ARHGAP6: variants seen among roughly 807,000 people sequenced by gnomAD.
ARHGAP6 encodes rho GTPase-activating protein 6.
Under a neutral mutation model 55.7 loss-of-function variants are expected in ARHGAP6, and 16 were observed. The ratio of observed to expected loss-of-function variants is 0.29; its 90% CI spans 0.19 to 0.44. The LOEUF (loss-of-function observed/expected upper bound fraction) is 0.44, where lower values mean the gene tolerates loss of function less well. Ranked by LOEUF, ARHGAP6 falls within the 20% of genes least tolerant of loss-of-function variation. The pLI, the probability that ARHGAP6 is intolerant of heterozygous loss-of-function variation, is 1.00. For missense variants in ARHGAP6, 698 were observed against 808.9 expected (o/e 0.86, Z 1.66); for synonymous variants, 382 against 360.9 (o/e 1.06, Z -0.66).
At chrX:11,524,622 G>A (rs566613312) in intron 1 of ARHGAP6, among the ~76,000 whole-genome samples, 18 of 111,007 alleles carry the variant, frequency 1.6e-4, no homozygotes, top group African/African-American at 5.6e-4. Flanking sequence ...TTGGTCTTTG[G>A]GGGACCGTTC....
At chrX:11,430,531 A>T (rs759654489) in intron 1 of ARHGAP6, among the ~76,000 whole-genome samples, 1 of 112,166 alleles carries the variant, frequency 8.9e-6, no homozygotes, top group Non-Finnish European at 1.9e-5. Flanking sequence ...TCCAGAAAGG[A>T]TCTAGAAGAT....
chrX:11,311,418 T>C (rs949262548), intron 1 of ARHGAP6, among the ~76,000 whole-genome samples: 5 of 112,251 alleles, frequency 4.5e-5, no homozygotes, highest in African/African-American at 1.6e-4. Flanking sequence ...TAACTAGTTC[T>C]ATCCTGTGTC....
intron 2 of ARHGAP6, among the ~76,000 whole-genome samples, chrX:11,241,750 A>C (rs1418939901): frequency 1.8e-5 from 2 of 111,842 alleles, no homozygotes; most frequent in African/African-American, 3.3e-5. Context: ...TGTTGGTATA[A>C]GTCCCAGTGA....
chrX:11,395,850 T>A (rs17255580), intron 1 of ARHGAP6, among the ~76,000 whole-genome samples: 6,293 of 111,854 alleles, frequency 0.056, 193 homozygotes, highest in Non-Finnish European at 0.091. Flanking sequence ...CCAAAAATAA[T>A]TATCTCTGAA....
intron 1 of ARHGAP6, among the ~76,000 whole-genome samples, chrX:11,599,217 G>A (rs1284660708): frequency 9.0e-6 from 1 of 111,730 alleles, no homozygotes; most frequent in Non-Finnish European, 1.9e-5. Flanking sequence ...AAGGAACATG[G>A]GAGTGCAGGT....
At chrX:11,145,206 T>C (rs2045672767) in intron 10 of ARHGAP6, 1 of 112,572 alleles carries the variant, frequency 8.9e-6, no homozygotes, top group African/African-American at 3.2e-5. Context: ...TACTAGTCTT[T>C]GCTCTCTTTT....
chrX:11,288,728 T>C lies in ARHGAP6; in HGVS notation c.589-34021A>G, dbSNP rs749017029. 8.0e-5 allele frequency among the ~76,000 whole-genome samples: 9 copies of C among 112,089 alleles called. No homozygotes were observed. In the South Asian group the frequency reaches 3.4e-3, roughly 42 times the overall value. The stretch of plus-strand genomic sequence containing the variant: ...TGTTTCTATGGATTTTGCCTATTCT[T>C]GGCATTTCCTATACAGTCATACAGT... On this transcript the variant is annotated intron_variant, in intron 1 of 12. Transcript: ENST00000337414.
chrX:11,544,284 G>A (rs1423814282), intron 1 of ARHGAP6, among the ~76,000 whole-genome samples: 1 of 112,476 alleles, frequency 8.9e-6, no homozygotes, highest in Non-Finnish European at 1.9e-5. Flanking sequence ...GATGCCTAGT[G>A]GCCCAATGTT....
intron 1 of ARHGAP6, among the ~76,000 whole-genome samples, chrX:11,559,949 A>G (rs2051366998): frequency 9.4e-6 from 1 of 106,591 alleles, no homozygotes; most frequent in Non-Finnish European, 1.9e-5. Flanking sequence ...AATAATAATA[A>G]TAATAATAAT....
At chrX:11,289,996 C>A (rs1343077236) in intron 1 of ARHGAP6, among the ~76,000 whole-genome samples, 1 of 111,512 alleles carries the variant, frequency 9.0e-6, no homozygotes, top group African/African-American at 3.3e-5. Flanking sequence ...AAAACAACAA[C>A]AAAAAATTAT....
intron 2 of ARHGAP6, among the ~76,000 whole-genome samples, chrX:11,204,518 A>C (rs1021398598): frequency 2.7e-5 from 3 of 111,612 alleles, no homozygotes; most frequent in Admixed American, 9.5e-5. Context: ...TTGTTCTCTT[A>C]ATGACACCCA....
chrX:11,502,688 A>C (rs2050691399), intron 1 of ARHGAP6, among the ~76,000 whole-genome samples: 1 of 111,465 alleles, frequency 9.0e-6, no homozygotes, highest in Non-Finnish European at 1.9e-5. Context: ...CTTAATGAAT[A>C]CTAAATATAT....
intron 1 of ARHGAP6, among the ~76,000 whole-genome samples, chrX:11,276,010 T>C (rs2047758928): frequency 8.9e-6 from 1 of 111,744 alleles, no homozygotes; most frequent in Non-Finnish European, 1.9e-5. Flanking sequence ...CCAAAGGAAA[T>C]TCACCTTATG....
intron 1 of ARHGAP6, among the ~76,000 whole-genome samples, chrX:11,408,574 G>A (rs1031735303): frequency 2.7e-5 from 3 of 111,035 alleles, no homozygotes; most frequent in African/African-American, 6.6e-5. Flanking sequence ...GGAGGTGACC[G>A]ATGCAGCAGT....
intron 12 of ARHGAP6, 152 bp from the exon 13 acceptor site, chrX:11,139,682 G>A: frequency 1.8e-6 from 1 of 553,325 alleles, no homozygotes; most frequent in Non-Finnish European, 2.6e-6. Context: ...GCTGCTACCT[G>A]AAGAAAACAA....
At chrX:11,424,921 G>T (rs1407826758) in intron 1 of ARHGAP6, among the ~76,000 whole-genome samples, 1 of 112,385 alleles carries the variant, frequency 8.9e-6, no homozygotes, top group African/African-American at 3.2e-5. Context: ...CTAGTTAATT[G>T]CATTTTGCTC....
intron 1 of ARHGAP6, among the ~76,000 whole-genome samples, chrX:11,312,153 A>C (rs1370110017): frequency 8.9e-6 from 1 of 112,072 alleles, no homozygotes; most frequent in Non-Finnish European, 1.9e-5. Context: ...ACTTGAACTA[A>C]AGTTTCTTTG....
intron 8 of ARHGAP6, among the ~76,000 whole-genome samples, chrX:11,176,259 A>T (rs868655252): frequency 5.0e-4 from 34 of 67,743 alleles, no homozygotes; most frequent in Non-Finnish European, 7.5e-4. Context: ...ATATATATAT[A>T]TATATTTGCA....
At position 11,173,174 on chromosome X, in the gene ARHGAP6, C is replaced by A. The variant is rs1230800733; in HGVS notation, c.1630-3490G>T. Among the ~76,000 whole-genome samples the A allele has an allele frequency of 2.7e-5, 3 of 112,223 alleles. No homozygotes were observed. In the Admixed American group the frequency reaches 2.8e-4, roughly 11 times the overall value. On this transcript the variant is annotated intron_variant, in intron 8 of 12. Transcript: ENST00000337414. ...CTTCATCCCATTGCTACATCTCTTC[C>A]TGTTTCCTCTTGCTGGGCAGACCCA...
Sources: allele counts gnomAD v4.1 joint callset (sites outside exome capture counted in the v4.1 genomes callset), GRCh38; gene constraint gnomAD v4.1.1; transcripts MANE v1.5; gene names NCBI Gene and HGNC (gene_info 2026-07-23, HGNC 2026-07-21).